CUZD1: variants seen among roughly 807,000 people sequenced by gnomAD.
CUZD1 encodes the protein CUB and zona pellucida-like domain-containing protein 1.
A neutral mutation model predicts 53.1 loss-of-function variants in CUZD1; 42 were observed. The observed-to-expected ratio is 0.79, with a 90% confidence interval of 0.62 to 1.02. CUZD1 has a LOEUF of 1.02. CUZD1 is among the 50% of genes least tolerant of loss of function. The pLI, the probability that CUZD1 is intolerant of heterozygous loss-of-function variation, is 0.00. For missense variants in CUZD1, 670 were observed against 715.7 expected (o/e 0.94, Z 0.73); for synonymous variants, 238 against 257.2 (o/e 0.93, Z 0.71).
chr10:122,837,142 ATT>A, intron 4 of CUZD1, 94 bp from the exon 5 acceptor site: 1 of 1,024,954 alleles, frequency 9.8e-7, no homozygotes, highest in Non-Finnish European at 1.4e-6. Flanking sequence ...GTGATTATGG[ATT>A]TTTTTTTTCC....
chr10:122,842,082 T>C (rs1233160909), intron 1 of CUZD1, among the ~76,000 whole-genome samples: 1 of 152,202 alleles, frequency 6.6e-6, no homozygotes, highest in Non-Finnish European at 1.5e-5. Context: ...CTTTTCATCC[T>C]CTTAACAGTG....
chr10:122,841,727 C>G (rs1050776276), intron 1 of CUZD1, among the ~76,000 whole-genome samples: 6 of 152,230 alleles, frequency 3.9e-5, no homozygotes, highest in Non-Finnish European at 5.9e-5. Flanking sequence ...CACAATCCAA[C>G]CAATGATGTA....
intron 3 of CUZD1, among the ~76,000 whole-genome samples, chr10:122,838,796 C>A (rs1013448885): frequency 6.6e-5 from 10 of 152,166 alleles, no homozygotes; most frequent in African/African-American, 1.9e-4. Flanking sequence ...CCATCCAGAA[C>A]CAATGAATCA....
intron 2 of CUZD1, among the ~76,000 whole-genome samples, chr10:122,840,063 G>C (rs972903609): frequency 6.6e-6 from 1 of 152,058 alleles, no homozygotes; most frequent in Non-Finnish European, 1.5e-5. Flanking sequence ...TTAATTTCTC[G>C]CCTCCCTTGC....
intron 1 of CUZD1, among the ~76,000 whole-genome samples, chr10:122,841,948 C>T (rs186819810): frequency 1.2e-3 from 184 of 147,604 alleles, no homozygotes; most frequent in Middle Eastern, 3.5e-3. Context: ...GTCTTTTGCC[C>T]TTTTTTTTTT....
chr10:122,835,409 T>C (rs1847233884), intron 6 of CUZD1, among the ~76,000 whole-genome samples: 1 of 152,192 alleles, frequency 6.6e-6, no homozygotes, highest in Admixed American at 6.5e-5. Flanking sequence ...TTACTATATA[T>C]TGCTTTCCTT....
rs145145827 is a variant in CUZD1 at position 122,839,209 on chromosome 10, C to T, written c.256G>A (p.Glu86Lys). The T allele has an allele frequency of 6.8e-5, 109 of 1,613,268 alleles. No homozygotes were observed. The Middle Eastern group carries it at 2.0e-3, about 29-fold the overall frequency. The change falls in exon 3 of 9, where the codon GAA becomes AAA. Residue 86 changes from glutamate to lysine, a missense_variant. Transcript: ENST00000392790. ...TCAAAGACTTTAATGTTTTCACTTT[C>T]ACAGCTTCCATCTGGATCAAGCCTG... ...YVQLDPDGSCESENIKVFDGT... is the reference protein window; with the variant it reads ...YVQLDPDGSCKSENIKVFDGT...
In CUZD1 at chr10:122,839,217, C is replaced by A. The variant is rs1331094294; in HGVS notation, c.248G>T (p.Gly83Val). 2 of 1,613,892 alleles carry A rather than the reference C, an allele frequency of 1.2e-6. No homozygotes were observed. Among genetic ancestry groups the A allele is most frequent in the Non-Finnish European group, 1.7e-6 (2 of 1,179,810 alleles). Residue 83 changes from glycine (G) to valine (V), a missense_variant, in exon 3 of 9, where the codon GGA (glycine) becomes GTA (valine). Coordinates refer to ENST00000392790, the MANE Select transcript of CUZD1 (RefSeq NM_022034.6). ...IFSYVQLDPD[G>V]SCESENIKVF... ...TTTAATGTTTTCACTTTCACAGCTT[C>A]CATCTGGATCAAGCCTGTGGAAAAA...
Position 122,834,942 on chromosome 10 carries a change from A to G in CUZD1, c.1146T>C (p.Asp382=), listed in dbSNP as rs919231799. The G allele has an allele frequency of 1.2e-6, 2 of 1,613,694 alleles. No homozygotes were observed. Among genetic ancestry groups the G allele is most frequent in the East Asian group, 2.2e-5 (1 of 44,878 alleles). ...CCAGTGCATTTTGACTTTGTATTAC[A>G]TCATCTTCTGTTATGTATATTATCT... is the stretch of plus-strand genomic sequence containing the variant. ...TVEIIYITED[D]VIQSQNALGK... is the part of the protein sequence containing the mutation. Residue 382 remains aspartate (D), a synonymous_variant, in exon 7 of 9, where the codon GAT becomes GAC. Coordinates refer to ENST00000392790, the MANE Select transcript of CUZD1 (RefSeq NM_022034.6).
At chr10:122,843,226 T>C (rs1011144288) in intron 1 of CUZD1, among the ~76,000 whole-genome samples, 14 of 152,190 alleles carry the variant, frequency 9.2e-5, no homozygotes, top group African/African-American at 3.1e-4. Context: ...TAAAACATGG[T>C]CTATCCATAC....
chr10:122,839,155 C>T lies in CUZD1; in HGVS notation c.310G>A (p.Gly104Arg), dbSNP rs762301050. ...TAGTCGTTTTTACTGCAGACTTGCCCTAGCAGAGGCCCATTGCTGGAGGTT... is the reference window on the plus strand; with the variant it reads ...TAGTCGTTTTTACTGCAGACTTGCCTTAGCAGAGGCCCATTGCTGGAGGTT... ...DGTSSNGPLL[G>R]QVCSKNDYVP... The change falls in exon 3 of 9, where the codon GGG becomes AGG. Residue 104 changes from glycine to arginine, a missense_variant. Coordinates refer to ENST00000392790, the MANE Select transcript of CUZD1 (RefSeq NM_022034.6). 10 of 1,614,128 alleles carry T rather than the reference C, an allele frequency of 6.2e-6. No homozygotes were observed. The highest frequency in any genetic ancestry group is 8.5e-6 in the Non-Finnish European group (10 of 1,180,002).
At chr10:122,833,243 G>C (rs908267822) in intron 8 of CUZD1, among the ~76,000 whole-genome samples, 5 of 151,978 alleles carry the variant, frequency 3.3e-5, no homozygotes, top group African/African-American at 1.2e-4. Context: ...TAATATAATA[G>C]ATTCTTTGTC....
intron 2 of CUZD1, among the ~76,000 whole-genome samples, chr10:122,840,158 G>C (rs1366116269): frequency 6.6e-6 from 1 of 152,158 alleles, no homozygotes; most frequent in Non-Finnish European, 1.5e-5. Context: ...GGAAATTTGA[G>C]GCCTCTTTTG....
At chr10:122,842,486 T>C (rs1020568123) in intron 1 of CUZD1, among the ~76,000 whole-genome samples, 26 of 152,336 alleles carry the variant, frequency 1.7e-4, no homozygotes, top group African/African-American at 5.5e-4. Context: ...GTCTATCCTT[T>C]TGGCAAACCA....
At chr10:122,834,540 A>C (rs971321272) in intron 7 of CUZD1, among the ~76,000 whole-genome samples, 166 bp downstream of exon 7, 2 of 152,218 alleles carry the variant, frequency 1.3e-5, no homozygotes, top group African/African-American at 4.8e-5. Context: ...AATTATTCAT[A>C]ATTAGTACAT....
In CUZD1 at chr10:122,837,540, C is replaced by T; in HGVS notation, c.463G>A (p.Gly155Ser). ...FSPNISIPNC[G>S]GYLDTLEGSF... ...CCTTCCAAGGTATCCAGGTAACCGCCACAGTTTGGAATAGCTGAAATGGAT... is the reference window on the plus strand; with the variant it reads ...CCTTCCAAGGTATCCAGGTAACCGCTACAGTTTGGAATAGCTGAAATGGAT... The change falls in exon 4 of 9, where the codon GGC becomes AGC. Residue 155 changes from glycine (G) to serine (S), a missense_variant. Coordinates refer to ENST00000392790, the MANE Select transcript of CUZD1 (RefSeq NM_022034.6). 1 of 1,580,056 alleles carries T rather than the reference C, an allele frequency of 6.3e-7. No individual in the cohort carries two copies.
Position 122,836,358 on chromosome 10 carries a change from G to A in CUZD1, c.818-8C>T, listed in dbSNP as rs1847250184. ...AAGAGCAAGTTAAAGATGCTGTCAG[G>A]AAAAAAAAAAAAAAAAGAATGGTCA... On this transcript the variant is annotated splice_polypyrimidine_tract_variant and splice_region_variant and intron_variant, in intron 5 of 8. Coordinates refer to ENST00000392790, the MANE Select transcript of CUZD1 (RefSeq NM_022034.6). 1.6e-5 allele frequency: 19 copies of A among 1,208,814 alleles called. No homozygotes were observed. Among genetic ancestry groups the A allele is most frequent in the East Asian group, 5.9e-5 (2 of 33,994 alleles). The allele number at this position is 1,208,814 out of a possible 1,614,324, so 74.9% of individuals were successfully genotyped here.
rs753523432 is a variant in CUZD1, at chr10:122,841,269, T to C, written c.142A>G (p.Met48Val). 1.7e-5 allele frequency: 27 copies of C among 1,613,988 alleles called. No individual in the cohort carries two copies. The highest frequency in any genetic ancestry group is 5.3e-5 in the African/African-American group (4 of 74,942). Residue 48 changes from methionine to valine, a missense_variant, in exon 2 of 9, where the codon ATG (methionine) becomes GTG (valine). By Grantham distance (21) the Met-to-Val change is conservative. Coordinates refer to ENST00000392790, the MANE Select transcript of CUZD1 (RefSeq NM_022034.6). ...GANMAETHKAMILQLNPSENC... is the reference protein window; with the variant it reads ...GANMAETHKAVILQLNPSENC... ...TCACTGGGATTGAGTTGCAGGATCA[T>C]GGCTTTGTGGGTCTCTGCCATATTG...
At position 122,845,752 on chromosome 10, in the gene CUZD1, A is replaced by T. The variant is rs1175731157; in HGVS notation, c.82+10T>A. The T allele has an allele frequency of 6.2e-7, 1 of 1,612,430 alleles. No individual in the cohort carries two copies. The highest frequency in any genetic ancestry group is 1.1e-5 in the South Asian group (1 of 90,442). ...TGTTTTGGTGAATAAATCTGGTTCA[A>T]TTTTCTTACCTTCAGCCTCCGCCAT... On this transcript the variant is annotated intron_variant, in intron 1 of 8. Coordinates refer to ENST00000392790, the MANE Select transcript of CUZD1 (RefSeq NM_022034.6).
Sources: gnomAD v4.1 joint callset for allele counts (sites outside exome capture counted in the v4.1 genomes callset) on GRCh38, gnomAD v4.1.1 for gene constraint, MANE v1.5 for transcripts, NCBI Gene and HGNC (gene_info 2026-07-23, HGNC 2026-07-21) for gene names.